KSR2: variants seen among roughly 807,000 people sequenced by gnomAD.
KSR2 encodes the protein kinase suppressor of ras 2.
A neutral mutation model predicts 107.8 loss-of-function variants in KSR2; 25 were observed. The observed-to-expected ratio is 0.23, with a 90% CI of 0.17 to 0.32. The LOEUF (loss-of-function observed/expected upper bound fraction) is 0.32. Among genes scored for constraint, KSR2 ranks in the 10% least tolerant of loss-of-function variants. The pLI, the probability that KSR2 is intolerant of heterozygous loss-of-function variation, is 1.00. For synonymous variants in KSR2, 480 were observed against 507.0 expected, an observed-to-expected ratio of 0.95 and a Z score of 0.71; for missense variants, 887 against 1,268.9, an observed-to-expected ratio of 0.70 and a Z score of 4.57.
At chr12:117,698,090 C>T (rs1593143175) in intron 4 of KSR2, among the ~76,000 whole-genome samples, 1 of 152,126 alleles carries the variant, frequency 6.6e-6, no homozygotes, top group African/African-American at 2.4e-5. Context: ...AGGCAAGAAG[C>T]GTAGGACAGA....
At chr12:117,665,272 C>T (rs953173937) in intron 5 of KSR2, among the ~76,000 whole-genome samples, 11 of 152,004 alleles carry the variant, frequency 7.2e-5, no homozygotes, top group African/African-American at 1.7e-4. Context: ...GAGACCAGGG[C>T]GGGAACAAAA....
chr12:117,582,342 G>T lies in KSR2; in HGVS notation c.1189C>A (p.Arg397Ser). The T allele has an allele frequency of 6.2e-7, 1 of 1,613,708 alleles. No homozygotes were observed. The highest frequency in any genetic ancestry group is 8.5e-7 in the Non-Finnish European group (1 of 1,179,754). Residue 397 changes from arginine (R) to serine (S), a missense_variant, in exon 6 of 20, where the codon CGC becomes AGC. Arg to Ser is a moderately radical substitution (Grantham distance 110). Coordinates refer to ENST00000339824, the MANE Select transcript of KSR2 (RefSeq NM_173598.6). ...NFSANTLSVPRWSPQIPRRDL... is the reference protein window; with the variant it reads ...NFSANTLSVPSWSPQIPRRDL... Reference sequence around the variant, plus strand: ...CTGCGAGGGATCTGCGGGGACCAGCGTGGCACTGACAGTGTGTCTACAGAG... The same window carrying T: ...CTGCGAGGGATCTGCGGGGACCAGCTTGGCACTGACAGTGTGTCTACAGAG...
chr12:117,883,383 C>T (rs150254616), intron 1 of KSR2, among the ~76,000 whole-genome samples: 62 of 152,274 alleles, frequency 4.1e-4, no homozygotes, highest in African/African-American at 4.1e-4. Context: ...TAGTAGATGA[C>T]GAAAAGTTGA....
In KSR2 at chr12:117,701,870, C is replaced by T. The variant is rs563964144; in HGVS notation, c.987-34212G>A. Among the ~76,000 whole-genome samples the T allele has an allele frequency of 9.8e-5, 15 of 152,326 alleles. No homozygotes were observed. In the South Asian group the frequency reaches 1.2e-3, roughly 13 times the overall value. On this transcript the variant is annotated intron_variant, in intron 4 of 19. Coordinates refer to ENST00000339824, the MANE Select transcript of KSR2 (RefSeq NM_173598.6). The stretch of plus-strand genomic sequence containing the variant: ...CCTCCCCTAGAGCCTTCGGAAGGAG[C>T]ATGGACCTGCTAACACCTTGCTCAG...
At chr12:117,539,580 C>T in intron 10 of KSR2, 139 bp downstream of exon 10, 2 of 747,520 alleles carry the variant, frequency 2.7e-6, no homozygotes, top group Non-Finnish European at 4.1e-6. Context: ...CACATACTTC[C>T]TTGCCCCTCT....
Position 117,911,174 on chromosome 12 carries a change from TCACACACA to T in KSR2, c.181-50751_181-50744del, listed in dbSNP as rs374154062. On this transcript the variant is annotated intron_variant, in intron 1 of 19. Coordinates refer to ENST00000339824, the MANE Select transcript of KSR2 (RefSeq NM_173598.6). The stretch of plus-strand genomic sequence containing the variant: ...CACATTCTTTCTCTCTCTCTCTCTC[TCACACACA>T]CACACACACACACACACTCAAGAAA... Among the ~76,000 whole-genome samples the T allele has an allele frequency of 4.7e-5, 7 of 149,044 alleles. No individual in the cohort carries two copies. The East Asian group carries it at 9.9e-4, about 21-fold the overall frequency.
intron 7 of KSR2, among the ~76,000 whole-genome samples, chr12:117,559,455 A>G (rs111856046): frequency 2.1e-4 from 32 of 152,290 alleles, no homozygotes; most frequent in African/African-American, 7.2e-4. Context: ...TCTTCGTAAC[A>G]ACTTCACGAA....
At chr12:117,913,874 G>A (rs192917360) in intron 1 of KSR2, among the ~76,000 whole-genome samples, 167 of 152,210 alleles carry the variant, frequency 1.1e-3, no homozygotes, top group African/African-American at 3.7e-3. Flanking sequence ...GGGACCCGCC[G>A]GATGACTCTG....
At chr12:117,850,236 T>C (rs567727497) in intron 3 of KSR2, among the ~76,000 whole-genome samples, 1 of 142,888 alleles carries the variant, frequency 7.0e-6, no homozygotes, top group African/African-American at 2.6e-5. Flanking sequence ...GTAGACCTGG[T>C]GGTCACTGAA....
intron 9 of KSR2, 83 bp downstream of exon 9, chr12:117,555,086 C>T: frequency 1.3e-6 from 2 of 1,564,076 alleles, no homozygotes; most frequent in Admixed American, 1.7e-5. Flanking sequence ...CGCCATACTC[C>T]CAGATCAACC....
Position 117,706,078 on chromosome 12 carries a change from C to A in KSR2, c.987-38420G>T, listed in dbSNP as rs1408150293. ...TTTTTTTTTGAGACGGAGTCCTGCT[C>A]TGTCGCCCAGGCTGGAGAGCAGTGG... On this transcript the variant is annotated intron_variant, in intron 4 of 19. Transcript: ENST00000339824. 2.2e-5 allele frequency among the ~76,000 whole-genome samples: 3 copies of A among 136,886 alleles called. No homozygotes were observed. The East Asian group carries it at 6.6e-4, about 30-fold the overall frequency. The allele number at this position is 136,886 out of a possible 152,430, so 89.8% of individuals were successfully genotyped here. A position where few individuals can be genotyped will look rare whatever the true frequency, so the allele number is the denominator to read the frequency against.
At chr12:117,782,113 T>A (rs2136947144) in intron 3 of KSR2, among the ~76,000 whole-genome samples, 1 of 152,296 alleles carries the variant, frequency 6.6e-6, no homozygotes, top group South Asian at 2.1e-4. Context: ...CTTTATTGAG[T>A]GCATACTATG....
intron 14 of KSR2, among the ~76,000 whole-genome samples, chr12:117,486,323 T>C (rs2010594754): frequency 6.6e-6 from 1 of 152,194 alleles, no homozygotes; most frequent in Admixed American, 6.5e-5. Context: ...AAGGACATTA[T>C]GCACTGAAAG....
intron 4 of KSR2, among the ~76,000 whole-genome samples, chr12:117,759,225 G>A (rs1486016524): frequency 6.6e-6 from 1 of 152,152 alleles, no homozygotes; most frequent in Non-Finnish European, 1.5e-5. Context: ...CTTCAGACAG[G>A]GCTTGGTAAA....
At chr12:117,588,900 T>C (rs1216870574) in intron 5 of KSR2, among the ~76,000 whole-genome samples, 1 of 152,250 alleles carries the variant, frequency 6.6e-6, no homozygotes, top group African/African-American at 2.4e-5. Context: ...CAGAGTATTC[T>C]GAGCATGAGA....
intron 5 of KSR2, among the ~76,000 whole-genome samples, chr12:117,604,180 C>T (rs1200305757): frequency 6.6e-6 from 1 of 152,138 alleles, no homozygotes; most frequent in African/African-American, 2.4e-5. Flanking sequence ...ATTCATGACT[C>T]CTCCTAAGCT....
intron 4 of KSR2, among the ~76,000 whole-genome samples, chr12:117,677,038 C>T (rs1885161275): frequency 1.3e-5 from 2 of 152,062 alleles, no homozygotes; most frequent in African/African-American, 4.8e-5. Context: ...GGTGATGATG[C>T]CAGGCCTGGG....
At chr12:117,900,964 A>T (rs1337838874) in intron 1 of KSR2, among the ~76,000 whole-genome samples, 1 of 152,218 alleles carries the variant, frequency 6.6e-6, no homozygotes, top group African/African-American at 2.4e-5. Flanking sequence ...CATTAAGACC[A>T]AAACACGGTT....
intron 3 of KSR2, among the ~76,000 whole-genome samples, chr12:117,781,212 G>A (rs1453040109): frequency 1.3e-5 from 2 of 152,254 alleles, no homozygotes; most frequent in South Asian, 2.1e-4. Context: ...CGCCATGATC[G>A]TGAGGCCTCC....
Sources: allele counts gnomAD v4.1 joint callset (sites outside exome capture counted in the v4.1 genomes callset), GRCh38; gene constraint gnomAD v4.1.1; transcripts MANE v1.5; gene names NCBI Gene and HGNC (gene_info 2026-07-23, HGNC 2026-07-21).